The following CSMD3 variants were observed in gnomAD, a reference collection of about 807,000 sequenced individuals.
CSMD3 encodes CUB and sushi domain-containing protein 3.
Under a neutral mutation model 435.2 loss-of-function variants are expected in CSMD3, and 177 were observed. That is an observed-to-expected ratio of 0.41 (90% CI 0.36 to 0.46). CSMD3 has a LOEUF of 0.46. Among genes scored for constraint, CSMD3 ranks in the 20% least tolerant of loss-of-function variants. The pLI is 0.34. For missense variants in CSMD3, 4,265 were observed against 4,504.6 expected, an observed-to-expected ratio of 0.95 and a Z score of 1.52; for synonymous variants, 1,656 against 1,520.5, an observed-to-expected ratio of 1.09 and a Z score of -2.07.
intron 3 of CSMD3, among the ~76,000 whole-genome samples, chr8:113,205,053 G>A (rs901073777): frequency 5.9e-5 from 9 of 151,464 alleles, no homozygotes; most frequent in African/African-American, 1.9e-4. Context: ...GCGTGATTTC[G>A]GCTCACTGCA....
At chr8:113,142,957 C>T (rs1356324173) in intron 4 of CSMD3, among the ~76,000 whole-genome samples, 2 of 150,358 alleles carry the variant, frequency 1.3e-5, no homozygotes, top group Admixed American at 6.7e-5. Flanking sequence ...CTAAATCTCA[C>T]ATTTTATTTT....
chr8:113,098,589 T>C lies in CSMD3; in HGVS notation c.917+167A>G. ...GAATTTCATCTATTTTTTATGTAAA[T>C]AGCTCGATCTTCAAAAATATCCTTC... On this transcript the variant is annotated intron_variant, in intron 5 of 70. Coordinates refer to ENST00000297405, the MANE Select transcript of CSMD3 (RefSeq NM_198123.2). 6.6e-6 allele frequency: 4 copies of C among 607,782 alleles called. No individual in the cohort carries two copies. The South Asian group carries it at 8.0e-5, about 12-fold the overall frequency. The allele number at this position is 607,782 out of a possible 1,614,324, so 37.6% of individuals were successfully genotyped here.
intron 3 of CSMD3, among the ~76,000 whole-genome samples, chr8:113,182,028 A>C (rs2131934595): frequency 6.6e-6 from 1 of 152,210 alleles, no homozygotes; most frequent in Non-Finnish European, 1.5e-5. Flanking sequence ...GTATTTTAGC[A>C]GTTAATCCAT....
At chr8:112,639,008 T>A in intron 20 of CSMD3, 97 bp from the exon 21 acceptor site, 2 of 801,386 alleles carry the variant, frequency 2.5e-6, no homozygotes, top group Non-Finnish European at 4.1e-6. Flanking sequence ...TTACTTATAA[T>A]TAAATTTTCT....
At chr8:112,922,059 T>C (rs116964570) in intron 9 of CSMD3, among the ~76,000 whole-genome samples, 1 of 152,178 alleles carries the variant, frequency 6.6e-6, no homozygotes, top group East Asian at 1.9e-4. Context: ...GTTCATATCA[T>C]ATTACGGTGT....
intron 10 of CSMD3, among the ~76,000 whole-genome samples, chr8:112,883,556 T>C (rs1299479958): frequency 1.3e-5 from 2 of 151,954 alleles, no homozygotes; most frequent in African/African-American, 2.4e-5. Context: ...TTTTTAGAAT[T>C]TTTTTGTAAT....
chr8:112,997,132 C>T (rs193287832), intron 6 of CSMD3, among the ~76,000 whole-genome samples: 1 of 151,404 alleles, frequency 6.6e-6, no homozygotes, highest in African/African-American at 2.4e-5. Context: ...AAATATTTGG[C>T]AAAGGGCCTG....
intron 9 of CSMD3, among the ~76,000 whole-genome samples, chr8:112,931,364 A>G (rs758408172): frequency 6.6e-6 from 1 of 152,096 alleles, no homozygotes; most frequent in Non-Finnish European, 1.5e-5. Flanking sequence ...TCTCTTCAAT[A>G]AATGGTGCTG....
At chr8:113,341,512 CT>C (rs1179744620) in intron 1 of CSMD3, among the ~76,000 whole-genome samples, 2 of 152,054 alleles carry the variant, frequency 1.3e-5, no homozygotes, top group African/African-American at 4.8e-5. Flanking sequence ...TAAAATTTGT[CT>C]AACAGTATTT....
intron 6 of CSMD3, among the ~76,000 whole-genome samples, chr8:113,000,948 TA>T (rs1357088855): frequency 1.3e-5 from 2 of 152,180 alleles, no homozygotes; most frequent in African/African-American, 4.8e-5. Context: ...TTCCCCCATC[TA>T]AATTATTTTC....
chr8:113,011,068 G>C (rs867453453), intron 6 of CSMD3, among the ~76,000 whole-genome samples: 2 of 151,470 alleles, frequency 1.3e-5, no homozygotes, highest in Non-Finnish European at 3.0e-5. Context: ...CTTTTCTCAT[G>C]AATGATGTCC....
intron 5 of CSMD3, among the ~76,000 whole-genome samples, chr8:113,029,620 A>C (rs563452933): frequency 2.0e-5 from 3 of 151,764 alleles, no homozygotes; most frequent in South Asian, 4.2e-4. Context: ...TACAAGGGAC[A>C]TATCTTAATG....
intron 4 of CSMD3, among the ~76,000 whole-genome samples, chr8:113,167,412 C>T (rs941644881): frequency 1.3e-5 from 2 of 152,118 alleles, no homozygotes; most frequent in Non-Finnish European, 2.9e-5. Flanking sequence ...TAAGAAATAA[C>T]ACACTCAGGT....
intron 1 of CSMD3, among the ~76,000 whole-genome samples, chr8:113,358,663 A>G (rs546460310): frequency 6.6e-6 from 1 of 152,378 alleles, no homozygotes; most frequent in East Asian, 1.9e-4. Context: ...AGAGAAAAAG[A>G]GAAACTGTTA....
At chr8:113,125,438 G>A (rs941657168) in intron 4 of CSMD3, among the ~76,000 whole-genome samples, 11 of 151,918 alleles carry the variant, frequency 7.2e-5, no homozygotes, top group Admixed American at 4.0e-4. Flanking sequence ...GCATAGAGAT[G>A]GAATTTAAAG....
intron 1 of CSMD3, among the ~76,000 whole-genome samples, chr8:113,363,859 T>A (rs1480930451): frequency 6.6e-6 from 1 of 152,214 alleles, no homozygotes; most frequent in East Asian, 1.9e-4. Context: ...TAGATCAGAA[T>A]GTTTTTAATT....
chr8:112,980,753 A>T (rs1190240525), intron 6 of CSMD3, among the ~76,000 whole-genome samples: 2 of 151,570 alleles, frequency 1.3e-5, no homozygotes, highest in Non-Finnish European at 3.0e-5. Context: ...TTACATTTTT[A>T]AAAATTTCGT....
chr8:113,431,902 G>A (rs1414616842), intron 1 of CSMD3, among the ~76,000 whole-genome samples: 1 of 152,116 alleles, frequency 6.6e-6, no homozygotes, highest in African/African-American at 2.4e-5. Flanking sequence ...GGGAAAAGAC[G>A]CGTATACTCC....
chr8:113,146,767 A>G (rs960985443), intron 4 of CSMD3, among the ~76,000 whole-genome samples: 2 of 151,584 alleles, frequency 1.3e-5, no homozygotes, highest in African/African-American at 2.4e-5. Context: ...GAAAACATAT[A>G]GTGGTTTTTG....
Sources: gnomAD v4.1 joint callset for allele counts (sites outside exome capture counted in the v4.1 genomes callset) on GRCh38, gnomAD v4.1.1 for gene constraint, MANE v1.5 for transcripts, NCBI Gene and HGNC (gene_info 2026-07-23, HGNC 2026-07-21) for gene names.